Variants in MAD1L1 observed in about 807,000 individuals in gnomAD.
The protein encoded by MAD1L1 is mitotic arrest deficient 1 like 1, also known as mitotic spindle assembly checkpoint protein MAD1.
MAD1L1 carries 95 observed loss-of-function variants against 96.9 expected under a neutral mutation model. The observed-to-expected ratio is 0.98, with a 90% CI of 0.83 to 1.16. MAD1L1 has a LOEUF of 1.16. Among genes scored for constraint, MAD1L1 ranks in the 50% most tolerant of loss-of-function variants. The pLI, the probability that MAD1L1 is intolerant of heterozygous loss-of-function variation, is 0.00. For synonymous variants in MAD1L1, 473 were observed against 396.6 expected (o/e 1.19, Z -2.29); for missense variants, 1,007 against 954.4 (o/e 1.06, Z -0.73).
At chr7:2,000,184 G>A (rs893422849) in intron 14 of MAD1L1, among the ~76,000 whole-genome samples, 4 of 152,086 alleles carry the variant, frequency 2.6e-5, no homozygotes, top group Non-Finnish European at 5.9e-5. Flanking sequence ...CCCACCCGGG[G>A]CGGAATGCCG....
chr7:2,217,299 T>C (rs754697537), intron 7 of MAD1L1, among the ~76,000 whole-genome samples: 52 of 152,118 alleles, frequency 3.4e-4, no homozygotes, highest in Middle Eastern at 3.2e-3. Context: ...CAACAAACAC[T>C]AACAGAGTCC....
chr7:2,006,977 C>T (rs1462388790), intron 13 of MAD1L1, among the ~76,000 whole-genome samples: 1 of 152,064 alleles, frequency 6.6e-6, no homozygotes, highest in African/African-American at 2.4e-5. Flanking sequence ...CTCAGAGCCG[C>T]GGGAGGGGAT....
In MAD1L1 at chr7:1,966,807, T is replaced by G. The variant is rs577696902; in HGVS notation, c.1506-9088A>C. Among the ~76,000 whole-genome samples the G allele has an allele frequency of 4.2e-3, 634 of 152,348 alleles. 6 individuals are homozygous for G. The highest frequency in any genetic ancestry group is 0.014 in the African/African-American group (597 of 41,582). On this transcript the variant is annotated intron_variant, in intron 15 of 18. Transcript: ENST00000265854. ...GAGGAGGAACGCCGCAATCGTGGCG[T>G]GCTGGGAGGCGAGGGCCGCGGGCCG...
At chr7:2,199,429 C>T (rs1390140645) in intron 10 of MAD1L1, among the ~76,000 whole-genome samples, 3 of 152,234 alleles carry the variant, frequency 2.0e-5, no homozygotes, top group African/African-American at 4.8e-5. Flanking sequence ...TCATGAAGGG[C>T]GCCTGCAGCC....
chr7:2,224,762 C>T (rs926010837), intron 4 of MAD1L1, among the ~76,000 whole-genome samples: 1 of 152,136 alleles, frequency 6.6e-6, no homozygotes, highest in Non-Finnish European at 1.5e-5. Flanking sequence ...AGAGGGGATC[C>T]GCGCACTCAG....
At chr7:2,082,850 T>C (rs1029116251) in intron 11 of MAD1L1, among the ~76,000 whole-genome samples, 1 of 152,242 alleles carries the variant, frequency 6.6e-6, no homozygotes, top group Non-Finnish European at 1.5e-5. Flanking sequence ...CTCCAGCTGC[T>C]TCAGCGCTAC....
At chr7:1,887,527 GTCTGCATGTGGCTGCC>G (rs1786149324) in intron 18 of MAD1L1, among the ~76,000 whole-genome samples, 7 of 151,758 alleles carry the variant, frequency 4.6e-5, no homozygotes, top group Admixed American at 1.3e-4. Context: ...GTGCGTGTGT[GTCTGCATGTGGCTGCC>G]TGTGCATGTG....
rs541539767 is a variant in MAD1L1 at position 1,977,834 on chromosome 7, C to T, written c.1505+2619G>A. Among the ~76,000 whole-genome samples, 378 of 152,348 alleles carry T rather than the reference C, an allele frequency of 2.5e-3. 2 individuals are homozygous for T. The highest frequency in any genetic ancestry group is 3.7e-3 in the Admixed American group (57 of 15,312). ...CCGTGCAGCGTGACGCAGGCTCCTG[C>T]GTGGGCAGCCACGGGCCGGGACACG... is the stretch of plus-strand genomic sequence containing the variant. On this transcript the variant is annotated intron_variant, in intron 15 of 18. Transcript: ENST00000265854.
At chr7:1,896,012 C>A (rs571099588) in intron 18 of MAD1L1, among the ~76,000 whole-genome samples, 9 of 152,136 alleles carry the variant, frequency 5.9e-5, no homozygotes, top group Admixed American at 2.0e-4. Flanking sequence ...CAGGCCAGAC[C>A]CCTGCAGGAA....
intron 15 of MAD1L1, among the ~76,000 whole-genome samples, chr7:1,969,696 A>T (rs1291881784): frequency 6.6e-6 from 1 of 152,260 alleles, no homozygotes; most frequent in African/African-American, 2.4e-5. Flanking sequence ...AACACACAAA[A>T]GATCAGTTGT....
rs1216505516 is a variant in MAD1L1 at position 2,088,926 on chromosome 7, G to A, written c.1074-19588C>T. On this transcript the variant is annotated intron_variant, in intron 11 of 18. Coordinates refer to ENST00000265854, the MANE Select transcript of MAD1L1 (RefSeq NM_001013836.2). The surrounding 1 kb of genome is among the most constrained non-coding windows in gnomAD (Gnocchi z 4.4). ...GCCCACGGTGGGGGTTGTGCCTGCA[G>A]AAGGCCTCCGAGCCACGCATGCAGG... 1 of 152,360 alleles carries A rather than the reference G, an allele frequency of 6.6e-6. No individual in the cohort carries two copies. The highest frequency in any genetic ancestry group is 1.5e-5 in the Non-Finnish European group (1 of 68,124). The allele number at this position is 152,360 out of a possible 1,614,324, so 9.4% of individuals were successfully genotyped here.
chr7:1,852,888 G>T (rs942109680), intron 18 of MAD1L1, among the ~76,000 whole-genome samples: 2 of 152,038 alleles, frequency 1.3e-5, no homozygotes, highest in African/African-American at 4.8e-5. Flanking sequence ...GGGCGCCTCC[G>T]AGGACGGGCC....
chr7:1,828,855 G>A lies in MAD1L1; in HGVS notation c.1999-12627C>T, dbSNP rs148778446. ...AAGTCACTGTAACTTTGCTCCATAT[G>A]CCCAAAAAATTGAGGATAGACATAA... On this transcript the variant is annotated intron_variant, in intron 18 of 18. Coordinates refer to ENST00000265854, the MANE Select transcript of MAD1L1 (RefSeq NM_001013836.2). Among the ~76,000 whole-genome samples, 1,149 of 152,170 alleles carry A rather than the reference G, an allele frequency of 7.6e-3. 15 individuals are homozygous for A. The highest frequency in any genetic ancestry group is 0.026 in the African/African-American group (1,084 of 41,514).
chr7:1,929,114 G>C (rs142327744), intron 17 of MAD1L1, among the ~76,000 whole-genome samples: 1 of 152,224 alleles, frequency 6.6e-6, no homozygotes, highest in East Asian at 1.9e-4. Context: ...GTGGATTCCA[G>C]GCAGAGCAAC....
chr7:1,936,253 T>G (rs145309731), intron 17 of MAD1L1, among the ~76,000 whole-genome samples: 3 of 152,212 alleles, frequency 2.0e-5, no homozygotes, highest in East Asian at 3.8e-4. Flanking sequence ...CTGGCCCTCA[T>G]GGAGGCCTCA....
chr7:1,851,513 G>A (rs541406154), intron 18 of MAD1L1, among the ~76,000 whole-genome samples: 209 of 152,326 alleles, frequency 1.4e-3, no homozygotes, highest in Non-Finnish European at 2.6e-3. Context: ...ACCAGGGCCA[G>A]AGGAATCTGC....
chr7:2,067,622 G>A (rs565481396), intron 12 of MAD1L1, among the ~76,000 whole-genome samples: 2 of 152,096 alleles, frequency 1.3e-5, no homozygotes, highest in African/African-American at 2.4e-5. Flanking sequence ...TGGTCAGCCC[G>A]AACCACCGCA....
chr7:2,092,361 C>G (rs1786259793), intron 11 of MAD1L1, among the ~76,000 whole-genome samples: 1 of 152,134 alleles, frequency 6.6e-6, no homozygotes, highest in East Asian at 1.9e-4. Context: ...CAGGTTCAAG[C>G]AATCCTCCCA....
chr7:1,986,335 A>T (rs1781138807), intron 14 of MAD1L1, among the ~76,000 whole-genome samples: 2 of 29,378 alleles, frequency 6.8e-5, no homozygotes, highest in African/African-American at 2.6e-4. Flanking sequence ...ACCACACGCC[A>T]GTCCAGCTTG....
Sources: allele counts gnomAD v4.1 joint callset (sites outside exome capture counted in the v4.1 genomes callset), GRCh38; gene constraint gnomAD v4.1.1; non-coding constraint Gnocchi (gnomAD v3.1); transcripts MANE v1.5; gene names NCBI Gene and HGNC (gene_info 2026-07-23, HGNC 2026-07-21).